WDR41: variants seen among roughly 807,000 people sequenced by gnomAD.
WDR41 encodes the protein WD repeat-containing protein 41.
In WDR41, 63 loss-of-function variants were observed where a neutral mutation model predicts 69.3. The ratio of observed to expected loss-of-function variants is 0.91; its 90% CI spans 0.74 to 1.12. The LOEUF (loss-of-function observed/expected upper bound fraction) is 1.12, where lower values mean the gene tolerates loss of function less well. Among genes scored for constraint, WDR41 ranks in the 50% most tolerant of loss-of-function variants. The probability of loss-of-function intolerance (pLI) is 0.00; values close to 1 mark genes in which losing one functional copy is unlikely to be tolerated. For missense variants in WDR41, 543 were observed against 534.5 expected (o/e 1.02, Z -0.16); for synonymous variants, 185 against 192.1 (o/e 0.96, Z 0.31).
At position 77,457,740 on chromosome 5, in the gene WDR41, T is replaced by C. The variant is rs1799889287; in HGVS notation, c.411+1322A>G. On this transcript the variant is annotated intron_variant, in intron 5 of 12. Coordinates refer to ENST00000296679, the MANE Select transcript of WDR41 (RefSeq NM_018268.4). ...ATGATAGTATTTCTCATATTAGGGA[T>C]ATAAATTTCTTGGATAAACTATCTA... 2.0e-5 allele frequency among the ~76,000 whole-genome samples: 3 copies of C among 147,382 alleles called. 1 individual carries two copies. The South Asian group carries it at 6.8e-4, about 33-fold the overall frequency.
chr5:77,495,854 G>GA (rs1210586050), upstream of WDR41, among the ~76,000 whole-genome samples: 3 of 151,752 alleles, frequency 2.0e-5, no homozygotes, highest in East Asian at 3.9e-4. Flanking sequence ...GACTACAGAT[G>GA]AAAAAAATCT....
chr5:77,545,395 C>T lies in WDR41; in HGVS notation c.43-55823G>A, dbSNP rs145332153. 2.7e-3 allele frequency: 417 copies of T among 157,242 alleles called. 3 individuals carry two copies. The highest frequency in any genetic ancestry group is 9.0e-3 in the African/African-American group (373 of 41,670). The allele number at this position is 157,242 out of a possible 1,614,324, so 9.7% of individuals were successfully genotyped here. On this transcript the variant is annotated intron_variant, in intron 1 of 5. Transcript: ENST00000509971. Reference sequence around the variant, plus strand: ...GCTTCTTCAAGAAAACACCGAGTGACGATGATGCCAGTGCAGCACGGGGAC... The same window carrying T: ...GCTTCTTCAAGAAAACACCGAGTGATGATGATGCCAGTGCAGCACGGGGAC...
intron 1 of WDR41, among the ~76,000 whole-genome samples, chr5:77,593,028 A>C (rs958298871): frequency 1.3e-5 from 2 of 152,190 alleles, no homozygotes; most frequent in Non-Finnish European, 2.9e-5. Flanking sequence ...AAATCACATG[A>C]ATATCAGAAA....
chr5:77,580,695 C>T lies in WDR41; in HGVS notation c.42+39784G>A, dbSNP rs149784689. On this transcript the variant is annotated intron_variant, in intron 1 of 5. Transcript: ENST00000509971. ...AGTAGGCTGGGCACGGTGGTTCATG[C>T]GTGTAATCACAGCACTTTGGGAGGC... is the stretch of plus-strand genomic sequence containing the variant. Among the ~76,000 whole-genome samples the T allele has an allele frequency of 1.4e-3, 212 of 152,106 alleles. 6 individuals are homozygous for T. In the East Asian group the frequency reaches 0.025, roughly 18 times the overall value.
intron 2 of WDR41, among the ~76,000 whole-genome samples, chr5:77,471,789 C>T (rs902790502): frequency 6.6e-6 from 1 of 152,076 alleles, no homozygotes; most frequent in Non-Finnish European, 1.5e-5. Flanking sequence ...TAATTAATAG[C>T]TTACCAACCA....
intron 1 of WDR41, among the ~76,000 whole-genome samples, chr5:77,603,708 C>T (rs1052820019): frequency 6.6e-6 from 1 of 152,022 alleles, no homozygotes; most frequent in Non-Finnish European, 1.5e-5. Flanking sequence ...TAGTTTTAGG[C>T]CTTATGTTTA....
intron 8 of WDR41, among the ~76,000 whole-genome samples, chr5:77,443,891 TTTTTTTTTTG>T (rs979102980): frequency 6.7e-5 from 7 of 103,956 alleles, no homozygotes; most frequent in African/African-American, 1.7e-4. Flanking sequence ...TTTTTTTTTT[TTTTTTTTTTG>T]AAATGAAGTC....
At chr5:77,533,983 T>C (rs1474824781) in intron 1 of WDR41, among the ~76,000 whole-genome samples, 2 of 152,106 alleles carry the variant, frequency 1.3e-5, no homozygotes, top group Non-Finnish European at 2.9e-5. Flanking sequence ...TCTACAAATA[T>C]CATCTATGTG....
At chr5:77,456,311 A>T (rs1427486779) in intron 5 of WDR41, among the ~76,000 whole-genome samples, 1 of 152,116 alleles carries the variant, frequency 6.6e-6, no homozygotes, top group Non-Finnish European at 1.5e-5. Flanking sequence ...GCCCAGACTA[A>T]ATCTATTTCT....
At chr5:77,486,898 A>T (rs35648592) in intron 2 of WDR41, among the ~76,000 whole-genome samples, 4 of 151,788 alleles carry the variant, frequency 2.6e-5, no homozygotes, top group African/African-American at 9.7e-5. Flanking sequence ...CAGAGCATAT[A>T]GGTAACTAAC....
intron 1 of WDR41, among the ~76,000 whole-genome samples, chr5:77,594,422 G>T (rs1386236826): frequency 6.6e-6 from 1 of 151,454 alleles, no homozygotes; most frequent in African/African-American, 2.4e-5. Flanking sequence ...AATAAAAAAT[G>T]TATATATAAA....
chr5:77,451,305 A>G lies in WDR41; in HGVS notation c.572T>C (p.Val191Ala), dbSNP rs1206924885. The change falls in exon 7 of 13, where the codon GTT (valine) becomes GCT (alanine). Residue 191 changes from valine (V) to alanine (A), a missense_variant. Physicochemically the swap from Val to Ala is moderately conservative, Grantham distance 64 (BLOSUM62 0). Transcript: ENST00000296679. ...EIPKNCVVAA[V>A]GKELIIFRLV... Reference sequence around the variant, plus strand: ...TTCATACTCACTCAGTTCTTTGCCAACTGCTGCCACAACACAGTTCTTAGG... The same window carrying G: ...TTCATACTCACTCAGTTCTTTGCCAGCTGCTGCCACAACACAGTTCTTAGG... 3.1e-6 allele frequency: 5 copies of G among 1,613,650 alleles called. No homozygotes were observed. Among genetic ancestry groups the G allele is most frequent in the Non-Finnish European group, 4.2e-6 (5 of 1,179,746 alleles).
intron 1 of WDR41, among the ~76,000 whole-genome samples, chr5:77,587,446 G>A (rs1028514649): frequency 7.9e-5 from 12 of 152,116 alleles, no homozygotes; most frequent in Admixed American, 2.6e-4. Context: ...AGTTTTGTAC[G>A]AACATATACT....
upstream of WDR41, among the ~76,000 whole-genome samples, chr5:77,496,962 T>G (rs1380715879): frequency 6.6e-6 from 1 of 152,152 alleles, no homozygotes; most frequent in Non-Finnish European, 1.5e-5. Flanking sequence ...ATGGTCAATT[T>G]TTTTGACAAG....
chr5:77,590,989 T>A (rs1021410838), intron 1 of WDR41, among the ~76,000 whole-genome samples: 3 of 152,192 alleles, frequency 2.0e-5, no homozygotes, highest in South Asian at 2.1e-4. Context: ...TGGAAATAAA[T>A]GTTTGGAAGA....
At position 77,532,127 on chromosome 5, in the gene WDR41, T is replaced by C. The variant is rs543714362; in HGVS notation, c.43-42555A>G. 1.4e-4 allele frequency among the ~76,000 whole-genome samples: 21 copies of C among 152,186 alleles called. No homozygotes were observed. The South Asian group carries it at 4.1e-3, about 30-fold the overall frequency. On this transcript the variant is annotated intron_variant, in intron 1 of 5. Transcript: ENST00000509971. ...TTACATTATGTAAATTTCAACTCAA[T>C]TTTAAAAATTTAAAAATGGAACAAG...
chr5:77,522,996 T>C (rs911217018), intron 1 of WDR41, among the ~76,000 whole-genome samples: 1 of 152,046 alleles, frequency 6.6e-6, no homozygotes, highest in African/African-American at 2.4e-5. Flanking sequence ...ATTTGAAAAG[T>C]AAATAATGGA....
chr5:77,561,107 TC>T (rs1743515874), intron 1 of WDR41, among the ~76,000 whole-genome samples: 1 of 152,160 alleles, frequency 6.6e-6, no homozygotes, highest in Non-Finnish European at 1.5e-5. Flanking sequence ...TGAATATCAT[TC>T]ACAAAAGCTA....
chr5:77,498,165 G>A (rs335656), intron 1 of WDR41, among the ~76,000 whole-genome samples: 89,823 of 151,912 alleles, frequency 0.59, 27,811 homozygotes, highest in African/African-American at 0.77. Flanking sequence ...TGTATATAGT[G>A]GTGATGATTA....
Sources: allele counts gnomAD v4.1 joint callset (sites outside exome capture counted in the v4.1 genomes callset), GRCh38; gene constraint gnomAD v4.1.1; transcripts MANE v1.5; gene names NCBI Gene and HGNC (gene_info 2026-07-23, HGNC 2026-07-21).